Variants in MYO9B observed in about 807,000 individuals in gnomAD.
MYO9B encodes unconventional myosin-IXb.
A neutral mutation model predicts 229.5 loss-of-function variants in MYO9B; 71 were observed. The observed-to-expected ratio is 0.31, with a 90% CI of 0.26 to 0.38. The LOEUF (loss-of-function observed/expected upper bound fraction) is 0.38, where lower values mean the gene tolerates loss of function less well. Ranked by LOEUF, MYO9B falls within the 10% of genes least tolerant of loss-of-function variation. The pLI, the probability that MYO9B is intolerant of heterozygous loss-of-function variation, is 1.00. For synonymous variants in MYO9B, 1,185 were observed against 1,235.8 expected, an observed-to-expected ratio of 0.96 and a Z score of 0.86; for missense variants, 2,255 against 2,920.5, an observed-to-expected ratio of 0.77 and a Z score of 5.25.
Position 17,102,154 on chromosome 19 carries a change from C to A in MYO9B, c.437C>A (p.Ala146Glu). The part of the protein sequence containing the change: ...VERGLLPRQQ[A>E]DFDDLCNLPE... ...CGTGGCCTCCTGCCACGGCAGCAGGCGGACTTTGATGACCTGTGTAACCTC... is the reference window on the plus strand; with the variant it reads ...CGTGGCCTCCTGCCACGGCAGCAGGAGGACTTTGATGACCTGTGTAACCTC... Residue 146 changes from alanine to glutamate, a missense_variant, in exon 2 of 40, where the codon GCG becomes GAG. Ala to Glu is a moderately radical substitution (Grantham distance 107). Transcript: ENST00000682292. 6.2e-7 allele frequency: 1 copy of A among 1,613,758 alleles called. No individual in the cohort carries two copies. Among genetic ancestry groups the A allele is most frequent in the Non-Finnish European group, 8.5e-7 (1 of 1,179,882 alleles).
intron 1 of MYO9B, among the ~76,000 whole-genome samples, chr19:17,094,632 A>G (rs1194240078): frequency 6.6e-6 from 1 of 152,204 alleles, no homozygotes; most frequent in Admixed American, 6.5e-5. Context: ...CACAAAAGGT[A>G]AAATTCACCA....
rs759508371 is a variant in MYO9B at position 17,159,476 on chromosome 19, C to T, written c.1411C>T (p.Leu471Phe). The T allele has an allele frequency of 1.2e-6, 2 of 1,608,108 alleles. No individual in the cohort carries two copies. The highest frequency in any genetic ancestry group is 3.4e-5 in the Admixed American group (2 of 59,024). The change falls in exon 8 of 40, where the codon CTC becomes TTC. Residue 471 changes from leucine (L) to phenylalanine (F), a missense_variant. Leu to Phe is a conservative substitution (Grantham distance 22). This residue lies in a region of MYO9B where 220 missense variants were observed against 404.5 expected (regional missense o/e 0.54). Transcript: ENST00000682292. ...CGACAAGCTTATCCTTCCCTACAGCCTCAGCGAGGTGAGCTCTGCCCAGGC... is the reference window on the plus strand; with the variant it reads ...CGACAAGCTTATCCTTCCCTACAGCTTCAGCGAGGTGAGCTCTGCCCAGGC... The part of the protein sequence containing the change: ...VNDKLILPYS[L>F]SEAITARDSM...
intron 2 of MYO9B, among the ~76,000 whole-genome samples, chr19:17,112,235 G>A (rs2057854099): frequency 6.6e-6 from 1 of 152,188 alleles, no homozygotes; most frequent in African/African-American, 2.4e-5. Context: ...GTCCTCTCCA[G>A]CAGGCTGCTT....
intron 26 of MYO9B, among the ~76,000 whole-genome samples, chr19:17,201,240 AT>A (rs1445899891): frequency 6.6e-6 from 1 of 151,990 alleles, no homozygotes; most frequent in Non-Finnish European, 1.5e-5. Context: ...CTCAAAAAAA[AT>A]AATAATGCAT....
At chr19:17,143,780 G>T (rs1468578656) in intron 2 of MYO9B, among the ~76,000 whole-genome samples, 3 of 152,200 alleles carry the variant, frequency 2.0e-5, no homozygotes, top group Non-Finnish European at 2.9e-5. Flanking sequence ...AATTAGCTGG[G>T]CATGGTGGCA....
intron 3 of MYO9B, among the ~76,000 whole-genome samples, chr19:17,150,163 C>T (rs1246204331): frequency 6.6e-6 from 1 of 152,200 alleles, no homozygotes; most frequent in East Asian, 1.9e-4. Flanking sequence ...GTAATCCCAG[C>T]ACTTTGGGGG....
intron 19 of MYO9B, among the ~76,000 whole-genome samples, chr19:17,190,473 T>A (rs1254599890): frequency 6.7e-6 from 1 of 149,854 alleles, no homozygotes; most frequent in East Asian, 2.2e-4. Flanking sequence ...ACAAAAATAT[T>A]TTTTTAATTA....
At chr19:17,083,034 T>TG (rs2057548271) in intron 1 of MYO9B, among the ~76,000 whole-genome samples, 1 of 146,138 alleles carries the variant, frequency 6.8e-6, no homozygotes, top group South Asian at 2.2e-4. Context: ...TGCTTTTTTT[T>TG]TTTTTTTTTT....
At chr19:17,113,489 G>T (rs748694178) in intron 2 of MYO9B, among the ~76,000 whole-genome samples, 8 of 152,112 alleles carry the variant, frequency 5.3e-5, no homozygotes, top group Non-Finnish European at 1.0e-4. Flanking sequence ...CAGGCCATCC[G>T]AAAGGCTAAA....
chr19:17,106,479 G>A (rs1207065824), intron 2 of MYO9B, among the ~76,000 whole-genome samples: 3 of 152,320 alleles, frequency 2.0e-5, no homozygotes, highest in East Asian at 1.9e-4. Context: ...CTGGTCTCCC[G>A]AGGCCGCCCT....
chr19:17,205,841 A>G, intron 31 of MYO9B, 119 bp from the exon 32 acceptor site: 2 of 987,200 alleles, frequency 2.0e-6, no homozygotes, highest in Non-Finnish European at 2.9e-6. Flanking sequence ...ACAGGGAGGG[A>G]CAGAACAGCA....
chr19:17,108,819 T>C (rs2057818400), intron 2 of MYO9B, among the ~76,000 whole-genome samples: 1 of 150,602 alleles, frequency 6.6e-6, no homozygotes, highest in Admixed American at 6.6e-5. Context: ...TGGGTTTGAT[T>C]CTCCTGCCTC....
rs1238231386 is a variant in MYO9B at position 17,209,601 on chromosome 19, G to A, written c.5640G>A (p.Leu1880=). ...VLKITTCVEM[L]IKEQMRKYKV... ...TTCTCTGTAGGTGCGTGGAGATGCTGATCAAGGAGCAGATGAGGAAATACA... is the reference window on the plus strand; with the variant it reads ...TTCTCTGTAGGTGCGTGGAGATGCTAATCAAGGAGCAGATGAGGAAATACA... The change falls in exon 36 of 40, where the codon CTG becomes CTA. Residue 1880 remains leucine (L), a synonymous_variant. Transcript: ENST00000682292. The A allele has an allele frequency of 1.3e-6, 2 of 1,596,896 alleles. No homozygotes were observed. The highest frequency in any genetic ancestry group is 8.5e-7 in the Non-Finnish European group (1 of 1,171,906).
intron 24 of MYO9B, 45 bp from the exon 25 acceptor site, chr19:17,200,248 A>C: frequency 6.3e-7 from 1 of 1,585,884 alleles, no homozygotes; most frequent in South Asian, 1.2e-5. Flanking sequence ...CCTCACGTCC[A>C]TTTTCATTTC....
chr19:17,156,606 A>G (rs1314279839), intron 6 of MYO9B, among the ~76,000 whole-genome samples: 2 of 152,044 alleles, frequency 1.3e-5, no homozygotes, highest in African/African-American at 2.4e-5. Flanking sequence ...AGTACCAGCT[A>G]CTCAGGAGGC....
At chr19:17,146,321 C>T (rs544634996) in intron 3 of MYO9B, among the ~76,000 whole-genome samples, 1 of 145,604 alleles carries the variant, frequency 6.9e-6, no homozygotes, top group South Asian at 2.2e-4. Flanking sequence ...TGGGTAGATT[C>T]ATGGGTAGGT....
intron 2 of MYO9B, among the ~76,000 whole-genome samples, chr19:17,138,856 C>T: frequency 6.6e-6 from 1 of 152,152 alleles, no homozygotes; most frequent in East Asian, 1.9e-4. Flanking sequence ...TATGTAACCA[C>T]TAATAGGCTA....
chr19:17,110,931 AG>A (rs1188913661), intron 2 of MYO9B, among the ~76,000 whole-genome samples: 1 of 151,964 alleles, frequency 6.6e-6, no homozygotes, highest in East Asian at 1.9e-4. Flanking sequence ...GCTCCTCCTT[AG>A]GGGCCCTACA....
intron 1 of MYO9B, among the ~76,000 whole-genome samples, chr19:17,096,729 G>A (rs1159343810): frequency 5.1e-5 from 7 of 137,540 alleles, no homozygotes; most frequent in South Asian, 2.4e-4. Context: ...TTTTGGAGAC[G>A]GAGTCTCGCT....
Sources: gnomAD v4.1 joint callset for allele counts (sites outside exome capture counted in the v4.1 genomes callset) on GRCh38, gnomAD v4.1.1 for gene constraint, gnomAD v4.1.1 regional missense constraint, MANE v1.5 for transcripts, NCBI Gene and HGNC (gene_info 2026-07-23, HGNC 2026-07-21) for gene names.